Variants in GABRA4 observed in about 807,000 individuals in gnomAD.
GABRA4 encodes the protein gamma-aminobutyric acid type A receptor subunit alpha4.
In GABRA4, 12 loss-of-function variants were observed where a neutral mutation model predicts 49.7. That is an observed-to-expected ratio of 0.24 (90% CI 0.15 to 0.39). The LOEUF is 0.39. Ranked by LOEUF, GABRA4 falls within the 10% of genes least tolerant of loss-of-function variation. GABRA4 has a pLI of 1.00. For synonymous variants in GABRA4, 288 were observed against 240.2 expected (o/e 1.20, Z -1.84); for missense variants, 506 against 686.0 (o/e 0.74, Z 2.93).
intron 5 of GABRA4, among the ~76,000 whole-genome samples, chr4:46,975,536 G>A (rs1723110124): frequency 6.6e-6 from 1 of 151,810 alleles, no homozygotes; most frequent in African/African-American, 2.4e-5. Flanking sequence ...AGTGTTTTGT[G>A]TTTTCTTCCT....
intron 2 of GABRA4, among the ~76,000 whole-genome samples, chr4:46,986,163 A>C (rs1723527773): frequency 6.6e-6 from 1 of 151,874 alleles, no homozygotes; most frequent in Non-Finnish European, 1.5e-5. Flanking sequence ...CATTGTTCCC[A>C]CCAACTTTAA....
intron 8 of GABRA4, among the ~76,000 whole-genome samples, chr4:46,931,371 A>C (rs1161001093): frequency 6.6e-6 from 1 of 152,106 alleles, no homozygotes; most frequent in Admixed American, 6.6e-5. Context: ...AAGAGTAGGA[A>C]GGATCAAACT....
Position 46,993,348 on chromosome 4 carries a change from A to G in GABRA4, c.77T>C (p.Leu26Pro). Reference sequence around the variant, plus strand: ...ACCCCAGAGAACTCACCAAACCGCCAGGCACAGGAAGCGCAGGAGGGCGAA... The same window carrying G: ...ACCCCAGAGAACTCACCAAACCGCCGGGCACAGGAAGCGCAGGAGGGCGAA... ...VSFALLRFLC[L>P]AVCLNESPGQ... The change falls in exon 1 of 9, where the codon CTG becomes CCG. Residue 26 changes from leucine to proline, a missense_variant. This residue lies in a region of GABRA4 where 195 missense variants were observed against 326.0 expected (regional missense o/e 0.60). Transcript: ENST00000264318. 1 of 1,614,164 alleles carries G rather than the reference A, an allele frequency of 6.2e-7. No homozygotes were observed. Among genetic ancestry groups the G allele is most frequent in the Non-Finnish European group, 8.5e-7 (1 of 1,179,976 alleles).
intron 8 of GABRA4, among the ~76,000 whole-genome samples, chr4:46,934,219 C>T (rs1339223616): frequency 1.3e-5 from 2 of 151,714 alleles, no homozygotes; most frequent in East Asian, 1.9e-4. Context: ...GAGTCACATA[C>T]TAAAAAAAAA....
At chr4:46,967,290 G>C (rs1317285207) in intron 7 of GABRA4, among the ~76,000 whole-genome samples, 1 of 150,194 alleles carries the variant, frequency 6.7e-6, no homozygotes. Flanking sequence ...ACCATAGTGT[G>C]ATAACCAAAA....
intron 6 of GABRA4, among the ~76,000 whole-genome samples, chr4:46,973,916 C>T (rs968095506): frequency 2.6e-5 from 4 of 151,638 alleles, no homozygotes; most frequent in Non-Finnish European, 5.9e-5. Context: ...AGAAACAAAG[C>T]AAAGACAAAA....
chr4:46,968,341 C>T (rs1181223577), intron 7 of GABRA4, among the ~76,000 whole-genome samples: 1 of 150,868 alleles, frequency 6.6e-6, no homozygotes, highest in Non-Finnish European at 1.5e-5. Context: ...AATATCTTGG[C>T]ACATGGGCAC....
intron 7 of GABRA4, 59 bp downstream of exon 7, chr4:46,971,024 A>G: frequency 8.0e-6 from 12 of 1,496,666 alleles, no homozygotes; most frequent in East Asian, 2.3e-5. Flanking sequence ...GAAATATCCC[A>G]TGAATCATGA....
At chr4:46,985,592 T>C (rs552054054) in intron 2 of GABRA4, among the ~76,000 whole-genome samples, 1 of 151,976 alleles carries the variant, frequency 6.6e-6, no homozygotes, top group East Asian at 1.9e-4. Context: ...TATATACAAA[T>C]GCAATCAGAT....
rs146530216 is a variant in GABRA4 at position 46,985,159 on chromosome 4, G to A, written c.206-6061C>T. On this transcript the variant is annotated intron_variant, in intron 2 of 8. Coordinates refer to ENST00000264318, the MANE Select transcript of GABRA4 (RefSeq NM_000809.4). Reference sequence around the variant, plus strand: ...AATATATAATTAAGTTAAAAGCATCGAAAGATTATATATAGCAAGTTCAAA... The same window carrying A: ...AATATATAATTAAGTTAAAAGCATCAAAAGATTATATATAGCAAGTTCAAA... 7.0e-4 allele frequency among the ~76,000 whole-genome samples: 107 copies of A among 151,956 alleles called. 1 individual carries two copies. Among genetic ancestry groups the A allele is most frequent in the African/African-American group, 2.1e-3 (89 of 41,496 alleles).
At chr4:46,969,526 A>G (rs907860328) in intron 7 of GABRA4, among the ~76,000 whole-genome samples, 1 of 151,558 alleles carries the variant, frequency 6.6e-6, no homozygotes, top group Non-Finnish European at 1.5e-5. Context: ...CCAATAGTAC[A>G]ACACTAGAAA....
rs1249785332 is a variant in GABRA4, at chr4:46,926,444, G to A, written c.*1781C>T. ...ATGGAATACCTAGAAAGACAGCCAA[G>A]AATGATTTCTCAGATATGACTTACA... On this transcript the variant is annotated 3_prime_UTR_variant, in exon 9 of 9. Coordinates refer to ENST00000264318, the MANE Select transcript of GABRA4 (RefSeq NM_000809.4). 1.3e-5 allele frequency: 2 copies of A among 151,820 alleles called. No individual in the cohort carries two copies. Among genetic ancestry groups the A allele is most frequent in the Non-Finnish European group, 2.9e-5 (2 of 67,866 alleles). 9.4% of individuals were successfully genotyped at this position (151,820 alleles called of 1,614,324 possible).
chr4:46,949,854 CA>C (rs1284240850), intron 8 of GABRA4, among the ~76,000 whole-genome samples: 5 of 151,986 alleles, frequency 3.3e-5, no homozygotes, highest in African/African-American at 1.2e-4. Context: ...AGGAGAGATT[CA>C]TTTTTTTTAA....
rs1406606157 is a variant in GABRA4 at position 46,919,264 on chromosome 4, C to G, written c.*8961G>C. 1 of 151,238 alleles carries G rather than the reference C, an allele frequency of 6.6e-6. No homozygotes were observed. The highest frequency in any genetic ancestry group is 1.5e-5 in the Non-Finnish European group (1 of 67,458). 9.4% of individuals were successfully genotyped at this position (151,238 alleles called of 1,614,324 possible). Reference sequence around the variant, plus strand: ...GATGAATTACTTTAAAATAGTAAACCAATATTTGATAATGCTCCTTTTTTT... The same window carrying G: ...GATGAATTACTTTAAAATAGTAAACGAATATTTGATAATGCTCCTTTTTTT... On this transcript the variant is annotated 3_prime_UTR_variant, in exon 9 of 9. Coordinates refer to ENST00000264318, the MANE Select transcript of GABRA4 (RefSeq NM_000809.4).
At chr4:46,980,716 A>C (rs1033692576) in intron 2 of GABRA4, among the ~76,000 whole-genome samples, 1 of 152,104 alleles carries the variant, frequency 6.6e-6, no homozygotes, top group Non-Finnish European at 1.5e-5. Context: ...GATAGTAATA[A>C]GCTCATTAAT....
chr4:46,952,232 A>G (rs1408087851), intron 8 of GABRA4, among the ~76,000 whole-genome samples: 1 of 152,084 alleles, frequency 6.6e-6, no homozygotes, highest in African/African-American at 2.4e-5. Context: ...AGTCTTACAG[A>G]ACAACTAAGA....
chr4:46,992,098 G>A (rs1359970753), intron 2 of GABRA4, among the ~76,000 whole-genome samples: 1 of 152,174 alleles, frequency 6.6e-6, no homozygotes, highest in Non-Finnish European at 1.5e-5. Flanking sequence ...CTAGTACCTA[G>A]CGCAAAGCTT....
chr4:46,919,790 A>T lies in GABRA4; in HGVS notation c.*8435T>A, dbSNP rs1258002118. 3 of 151,612 alleles carry T rather than the reference A, an allele frequency of 2.0e-5. No individual in the cohort carries two copies. Among genetic ancestry groups the T allele is most frequent in the Non-Finnish European group, 4.4e-5 (3 of 67,616 alleles). The allele number at this position is 151,612 out of a possible 1,614,324, so 9.4% of individuals were successfully genotyped here. A position where few individuals can be genotyped will look rare whatever the true frequency, so the allele number is the denominator to read the frequency against. ...TCAGAATCAAAGTAATTATCAGGGG[A>T]TTTCCTTCATTAAGGATAAGCCAGT... On this transcript the variant is annotated 3_prime_UTR_variant, in exon 9 of 9. Coordinates refer to ENST00000264318, the MANE Select transcript of GABRA4 (RefSeq NM_000809.4).
chr4:46,935,115 T>C (rs1486074929), intron 8 of GABRA4, among the ~76,000 whole-genome samples: 1 of 152,190 alleles, frequency 6.6e-6, no homozygotes, highest in African/African-American at 2.4e-5. Context: ...AAACAAGCCC[T>C]ATTTGCAGGA....
Sources: allele counts gnomAD v4.1 joint callset (sites outside exome capture counted in the v4.1 genomes callset), GRCh38; gene constraint gnomAD v4.1.1; regional missense constraint gnomAD v4.1.1; transcripts MANE v1.5; gene names NCBI Gene and HGNC (gene_info 2026-07-23, HGNC 2026-07-21).